ZNF610: variants seen among roughly 807,000 people sequenced by gnomAD.
The protein encoded by ZNF610 is zink finger protein.
ZNF610 carries 14 observed loss-of-function variants against 14.1 expected under a neutral mutation model. The ratio of observed to expected loss-of-function variants is 0.99; its 90% CI spans 0.65 to 1.55. ZNF610 has a LOEUF of 1.55. Among genes scored for constraint, ZNF610 ranks in the 40% most tolerant of loss-of-function variants. ZNF610 has a pLI of 0.00. For missense variants in ZNF610, 530 were observed against 558.0 expected (o/e 0.95, Z 0.51); for synonymous variants, 185 against 187.6 (o/e 0.99, Z 0.11).
rs1477118596 is a variant in ZNF610 at position 52,365,831 on chromosome 19, T to A, written c.453T>A (p.Val151=). The A allele has an allele frequency of 6.2e-7, 1 of 1,614,226 alleles. No homozygotes were observed. Among genetic ancestry groups the A allele is most frequent in the East Asian group, 2.2e-5 (1 of 44,884 alleles). ...GGAAAATTTACAGAAGTAATCAAGT[T>A]GAAAAGTTTACAAACCATCGTTCCT... ...AGRKIYRSNQ[V]EKFTNHRSSV... The change falls in exon 6 of 6, where the codon GTT becomes GTA. Residue 151 remains valine, a synonymous_variant. Transcript: ENST00000403906.
chr19:52,352,445 T>C (rs1985302327), intron 3 of ZNF610, among the ~76,000 whole-genome samples: 1 of 152,098 alleles, frequency 6.6e-6, no homozygotes, highest in Non-Finnish European at 1.5e-5. Flanking sequence ...TCTGTGTTGA[T>C]CAGGCTGGTC....
intron 3 of ZNF610, among the ~76,000 whole-genome samples, chr19:52,351,639 A>G (rs77529796): frequency 3.3e-5 from 5 of 152,098 alleles, no homozygotes; most frequent in African/African-American, 1.2e-4. Context: ...GGTTCTGCTC[A>G]GGAGCTTCCC....
chr19:52,338,344 G>T (rs2122165096), intron 1 of ZNF610, among the ~76,000 whole-genome samples: 1 of 152,316 alleles, frequency 6.6e-6, no homozygotes, highest in South Asian at 2.1e-4. Context: ...AAAGGATACA[G>T]ATGAACAGCC....
intron 1 of ZNF610, chr19:52,344,140 A>G (rs1984820150): frequency 6.6e-6 from 1 of 152,294 alleles, no homozygotes; most frequent in African/African-American, 2.4e-5. Flanking sequence ...TTCATGTAGC[A>G]AACTATGTAA....
intron 3 of ZNF610, among the ~76,000 whole-genome samples, chr19:52,350,259 G>A (rs1473201922): frequency 6.6e-6 from 1 of 152,140 alleles, no homozygotes; most frequent in East Asian, 1.9e-4. Flanking sequence ...ATGCAGCTTA[G>A]GCCATCAAAT....
chr19:52,330,473 T>C, the ZNF610 span: 1 of 152,198 alleles, frequency 6.6e-6, no homozygotes, highest in African/African-American at 2.4e-5. Context: ...CAGTTATTAG[T>C]TTACCTTTAG....
At chr19:52,364,289 C>CT (rs1985918764) in intron 5 of ZNF610, among the ~76,000 whole-genome samples, 1 of 151,896 alleles carries the variant, frequency 6.6e-6, no homozygotes, top group Non-Finnish European at 1.5e-5. Context: ...TTTTTGTTTT[C>CT]TTTTTTAATT....
At chr19:52,332,795 A>G (rs572271502), upstream of ZNF610, among the ~76,000 whole-genome samples, 1 of 152,360 alleles carries the variant, frequency 6.6e-6, no homozygotes, top group African/African-American at 2.4e-5. The surrounding 1 kb of genome is among the most constrained non-coding windows in gnomAD (Gnocchi z 4.1). Context: ...ATTAAAAACT[A>G]GTGTGGTCAA....
At chr19:52,348,631 T>A (rs1217005108) in intron 2 of ZNF610, among the ~76,000 whole-genome samples, 3 of 152,202 alleles carry the variant, frequency 2.0e-5, no homozygotes, top group Non-Finnish European at 4.4e-5. Context: ...AATTTGGATG[T>A]GCCAGTAAGA....
chr19:52,366,791 A>T lies in ZNF610; in HGVS notation c.*24A>T. The T allele has an allele frequency of 6.4e-7, 1 of 1,564,352 alleles. No homozygotes were observed. The highest frequency in any genetic ancestry group is 2.2e-5 in the East Asian group (1 of 44,472). ...GAATGTGGCAAAATCTTTAGTTAGA[A>T]TTCACACCTAGCACAACATTGGAGG... is the stretch of plus-strand genomic sequence containing the variant. On this transcript the variant is annotated 3_prime_UTR_variant, in exon 6 of 6. Coordinates refer to ENST00000403906, the MANE Select transcript of ZNF610 (RefSeq NM_001161425.2).
rs144177340 is a variant in ZNF610 at position 52,338,763 on chromosome 19, C to T, written c.-258+2257C>T. Among the ~76,000 whole-genome samples the T allele has an allele frequency of 0.011, 1,600 of 152,016 alleles. 18 individuals are homozygous for T. The Middle Eastern group carries it at 0.11, about 10-fold the overall frequency. ...TTGCCCTGGCTGGTGTGCACTGGCG[C>T]GATATTGGCTCACCACTGAAGGGGT... On this transcript the variant is annotated intron_variant, in intron 1 of 5. Coordinates refer to ENST00000403906, the MANE Select transcript of ZNF610 (RefSeq NM_001161425.2).
intron 1 of ZNF610, among the ~76,000 whole-genome samples, chr19:52,341,620 TTTAA>T (rs1984695739): frequency 6.6e-6 from 1 of 151,992 alleles, no homozygotes; most frequent in African/African-American, 2.4e-5. Flanking sequence ...TAAATTTATT[TTTAA>T]TTAATTATTT....
Position 52,365,859 on chromosome 19 carries a change from GT to G in ZNF610, c.484del (p.Ser162HisfsTer63). 1 of 1,613,552 alleles carries G rather than the reference GT, an allele frequency of 6.2e-7. No homozygotes were observed. Among genetic ancestry groups the G allele is most frequent in the South Asian group, 1.1e-5 (1 of 90,830 alleles). ...VEKFTNHRSS[V>X]SPLQKISSSF... ...AAAGTTTACAAACCATCGTTCCTCA[GT>G]TTCACCACTTCAAAAAATTTCTTCT... is the stretch of plus-strand genomic sequence containing the variant. On this transcript the variant is annotated frameshift_variant, in exon 6 of 6. Coordinates refer to ENST00000403906, the MANE Select transcript of ZNF610 (RefSeq NM_001161425.2). LOFTEE classifies it low-confidence loss of function (END_TRUNC).
At chr19:52,348,278 C>A (rs1003857044) in intron 2 of ZNF610, 19 of 152,202 alleles carry the variant, frequency 1.2e-4, no homozygotes, top group Non-Finnish European at 2.4e-4. Flanking sequence ...GACTTTAAAT[C>A]ATCTCTTGAT....
chr19:52,364,635 T>C (rs1302120082), intron 5 of ZNF610, among the ~76,000 whole-genome samples: 3 of 152,238 alleles, frequency 2.0e-5, no homozygotes, highest in Non-Finnish European at 2.9e-5. Context: ...CGATCTTGGC[T>C]CACTGCAACC....
At chr19:52,337,523 G>C (rs1984441681) in intron 1 of ZNF610, among the ~76,000 whole-genome samples, 1 of 148,922 alleles carries the variant, frequency 6.7e-6, no homozygotes, top group Non-Finnish European at 1.5e-5. Flanking sequence ...AAGAGGGGGA[G>C]AAACAGCAGG....
At chr19:52,337,857 A>G (rs1984457439) in intron 1 of ZNF610, among the ~76,000 whole-genome samples, 1 of 152,244 alleles carries the variant, frequency 6.6e-6, no homozygotes, top group African/African-American at 2.4e-5. Context: ...GCTTCCATTC[A>G]CAATCCCTGT....
chr19:52,341,512 GTTGGCCAAGA>G (rs1984690308), intron 1 of ZNF610, among the ~76,000 whole-genome samples: 1 of 152,086 alleles, frequency 6.6e-6, no homozygotes, highest in Non-Finnish European at 1.5e-5. Flanking sequence ...GTTTCACCAT[GTTGGCCAAGA>G]TTGTCTCGAT....
At chr19:52,334,827 G>A (rs941385127), upstream of ZNF610, among the ~76,000 whole-genome samples, 5 of 151,832 alleles carry the variant, frequency 3.3e-5, no homozygotes. Context: ...TACTTGGGAG[G>A]CTGAGGCTGG....
Sources: gnomAD v4.1 joint callset for allele counts (sites outside exome capture counted in the v4.1 genomes callset) on GRCh38, gnomAD v4.1.1 for gene constraint, Gnocchi (gnomAD v3.1) non-coding constraint, MANE v1.5 for transcripts, NCBI Gene and HGNC (gene_info 2026-07-23, HGNC 2026-07-21) for gene names.